The following PPIH variants were observed in gnomAD, a reference collection of about 807,000 sequenced individuals.
PPIH encodes peptidyl-prolyl cis-trans isomerase H.
A neutral mutation model predicts 27.6 loss-of-function variants in PPIH; 16 were observed. The ratio of observed to expected loss-of-function variants is 0.58; its 90% CI spans 0.39 to 0.88. The LOEUF (loss-of-function observed/expected upper bound fraction) is 0.88. Ranked by LOEUF, PPIH falls within the 40% of genes least tolerant of loss-of-function variation. The pLI is 0.00. For missense variants in PPIH, 155 were observed against 224.1 expected (o/e 0.69, Z 1.97); for synonymous variants, 63 against 76.1 (o/e 0.83, Z 0.90).
chr1:42,666,128 G>T, intron 7 of PPIH, 61 bp downstream of exon 7: 1 of 1,491,944 alleles, frequency 6.7e-7, no homozygotes, highest in Non-Finnish European at 9.3e-7. Flanking sequence ...ACCTCCAGAG[G>T]AGTTAGTTCT....
chr1:42,659,020 T>C, intron 2 of PPIH, 112 bp downstream of exon 2: 1 of 1,361,962 alleles, frequency 7.3e-7, no homozygotes, highest in East Asian at 2.3e-5. Context: ...TCTTGAGACC[T>C]GATTCCTCCA....
At chr1:42,672,009 G>A (rs931623623) in intron 9 of PPIH, among the ~76,000 whole-genome samples, 40 of 151,496 alleles carry the variant, frequency 2.6e-4, no homozygotes, top group Non-Finnish European at 7.4e-5. Context: ...TCAGCCTCCC[G>A]AGTAGCTGGG....
At chr1:42,670,060 A>G (rs942914064) in intron 9 of PPIH, among the ~76,000 whole-genome samples, 1 of 152,226 alleles carries the variant, frequency 6.6e-6, no homozygotes, top group African/African-American at 2.4e-5. Flanking sequence ...AATTTATTAC[A>G]TGAGTTAAGT....
intron 7 of PPIH, 45 bp from the exon 8 acceptor site, chr1:42,666,502 T>G (rs1557515360): frequency 6.3e-7 from 1 of 1,591,190 alleles, no homozygotes. Flanking sequence ...AGCTGGAAAA[T>G]GCTATGTAAA....
chr1:42,678,482 C>G (rs1480538394), downstream of PPIH, among the ~76,000 whole-genome samples: 1 of 152,208 alleles, frequency 6.6e-6, no homozygotes, highest in Non-Finnish European at 1.5e-5. Flanking sequence ...TCACTACAAC[C>G]TCCACCTCCC....
At chr1:42,679,713 C>A (rs202160583), downstream of PPIH, among the ~76,000 whole-genome samples, 4 of 152,344 alleles carry the variant, frequency 2.6e-5, no homozygotes, top group East Asian at 7.7e-4. Flanking sequence ...GTCTTTGTAA[C>A]TGGAGAAAAG....
intron 9 of PPIH, among the ~76,000 whole-genome samples, chr1:42,674,705 G>C (rs1312209432): frequency 6.6e-6 from 1 of 152,216 alleles, no homozygotes; most frequent in East Asian, 1.9e-4. Flanking sequence ...GGCCAGTGAG[G>C]AGTCTACTGC....
chr1:42,662,422 G>A lies in PPIH; in HGVS notation c.243+1518G>A, dbSNP rs370653913. 1.3e-3 allele frequency among the ~76,000 whole-genome samples: 197 copies of A among 152,082 alleles called. 1 individual carries two copies. Among genetic ancestry groups the A allele is most frequent in the African/African-American group, 3.7e-3 (155 of 41,468 alleles). On this transcript the variant is annotated intron_variant, in intron 5 of 9. Coordinates refer to ENST00000304979, the MANE Select transcript of PPIH (RefSeq NM_006347.4). ...TATTTTTTTATTTTTGGTGGTGTGC[G>A]CCTGTAGTCCCAGGTACTTGGTAGG...
At chr1:42,679,917 C>T (rs1649979211), downstream of PPIH, among the ~76,000 whole-genome samples, 1 of 152,210 alleles carries the variant, frequency 6.6e-6, no homozygotes, top group African/African-American at 2.4e-5. Flanking sequence ...CCCAGATGAC[C>T]CTTCTGCTGC....
chr1:42,665,650 A>G (rs1462604193), intron 6 of PPIH, among the ~76,000 whole-genome samples: 3 of 151,876 alleles, frequency 2.0e-5, no homozygotes, highest in African/African-American at 7.3e-5. Flanking sequence ...AGTTTGAACA[A>G]TCTGGGCAAC....
chr1:42,680,359 T>C (rs571507815), downstream of PPIH, among the ~76,000 whole-genome samples: 4 of 152,328 alleles, frequency 2.6e-5, no homozygotes, highest in African/African-American at 9.6e-5. Context: ...TTTAACCAAT[T>C]TCTATTTTCA....
At chr1:42,670,963 T>C (rs1649600977) in intron 9 of PPIH, among the ~76,000 whole-genome samples, 1 of 152,078 alleles carries the variant, frequency 6.6e-6, no homozygotes, top group East Asian at 1.9e-4. Context: ...GCCTGGCTAT[T>C]TTTTGTATTT....
intron 9 of PPIH, among the ~76,000 whole-genome samples, chr1:42,667,995 G>A (rs1336565038): frequency 1.3e-5 from 2 of 152,240 alleles, no homozygotes; most frequent in Non-Finnish European, 2.9e-5. Flanking sequence ...GCGCTGGGCA[G>A]CATGCTAGCT....
chr1:42,669,963 T>C (rs1210515045), intron 9 of PPIH, among the ~76,000 whole-genome samples: 4 of 152,230 alleles, frequency 2.6e-5, no homozygotes, highest in African/African-American at 9.6e-5. Context: ...TCCAGTCAAA[T>C]ACCTGACCAT....
In PPIH at chr1:42,658,462, T is replaced by G; in HGVS notation, c.16T>G (p.Ser6Ala). 7 of 1,614,100 alleles carry G rather than the reference T, an allele frequency of 4.3e-6. No homozygotes were observed. The highest frequency in any genetic ancestry group is 5.9e-6 in the Non-Finnish European group (7 of 1,179,978). The change falls in exon 1 of 10, where the codon TCA becomes GCA. Residue 6 changes from serine (S) to alanine (A), a missense_variant. Ser to Ala is a moderately conservative substitution (Grantham distance 99). Around this residue, in one of 2 missense-constraint regions of PPIH, gnomAD observed 59 missense variants for 48.8 expected, o/e 1.21. Coordinates refer to ENST00000304979, the MANE Select transcript of PPIH (RefSeq NM_006347.4). Reference protein sequence around the residue: MAVANSSPVNPVVFFD... With the variant: MAVANASPVNPVVFFD... ...GGTCGGAGCCATGGCGGTGGCAAATTCAAGTCCTGTTAACCCCGTGGTGTT... is the reference window on the plus strand; with the variant it reads ...GGTCGGAGCCATGGCGGTGGCAAATGCAAGTCCTGTTAACCCCGTGGTGTT...
downstream of PPIH, among the ~76,000 whole-genome samples, chr1:42,680,937 G>GT (rs1374418373): frequency 8.5e-5 from 13 of 152,126 alleles, no homozygotes; most frequent in Admixed American, 8.5e-4. Flanking sequence ...GCCTACAGTA[G>GT]TGACAGTAGG....
chr1:42,678,463 G>C (rs750658807), downstream of PPIH, among the ~76,000 whole-genome samples: 1 of 152,154 alleles, frequency 6.6e-6, no homozygotes, highest in Non-Finnish European at 1.5e-5. Context: ...GCAATGGCGC[G>C]ATCTTGGCTC....
chr1:42,678,224 T>C (rs183046255), downstream of PPIH, among the ~76,000 whole-genome samples: 99 of 152,274 alleles, frequency 6.5e-4, no homozygotes, highest in African/African-American at 2.2e-3. Context: ...ATTCTTGAGA[T>C]GGGCTGGTCA....
intron 9 of PPIH, among the ~76,000 whole-genome samples, chr1:42,674,904 C>G (rs1473187451): frequency 6.6e-6 from 1 of 152,202 alleles, no homozygotes; most frequent in Non-Finnish European, 1.5e-5. Context: ...CCAGTCCATT[C>G]CAGTCCAGTA....
Sources: allele counts gnomAD v4.1 joint callset (sites outside exome capture counted in the v4.1 genomes callset), GRCh38; gene constraint gnomAD v4.1.1; regional missense constraint gnomAD v4.1.1; transcripts MANE v1.5; gene names NCBI Gene and HGNC (gene_info 2026-07-23, HGNC 2026-07-21).